OPHN1: variants seen among roughly 807,000 people sequenced by gnomAD.
OPHN1 encodes the protein oligophrenin 1, also known as oligophrenin-1.
OPHN1 carries 11 observed loss-of-function variants against 60.7 expected under a neutral mutation model. That is an observed-to-expected ratio of 0.18 (90% CI 0.11 to 0.30). The LOEUF is 0.30. Among genes scored for constraint, OPHN1 ranks in the 10% least tolerant of loss-of-function variants. The pLI is 1.00. For synonymous variants in OPHN1, 226 were observed against 222.6 expected (o/e 1.02, Z -0.14); for missense variants, 449 against 611.0 (o/e 0.73, Z 2.80).
At chrX:68,381,205 A>T (rs1035337496) in intron 2 of OPHN1, among the ~76,000 whole-genome samples, 2 of 111,934 alleles carry the variant, frequency 1.8e-5, no homozygotes, top group African/African-American at 6.5e-5. Context: ...TAAATGAAAA[A>T]TTTCAAAATC....
chrX:68,123,289 G>T (rs1227445294), intron 15 of OPHN1, among the ~76,000 whole-genome samples: 1 of 111,424 alleles, frequency 9.0e-6, no homozygotes, highest in Non-Finnish European at 1.9e-5. Flanking sequence ...AAAGCTGAGA[G>T]ATTTCATCAA....
At chrX:68,373,303 G>A (rs904099941) in intron 2 of OPHN1, among the ~76,000 whole-genome samples, 22 of 112,308 alleles carry the variant, frequency 2.0e-4, no homozygotes, top group Non-Finnish European at 3.2e-4. Flanking sequence ...AACCAAGTTC[G>A]ACACTTTTAA....
At chrX:68,113,469 CA>C (rs2077113495) in intron 16 of OPHN1, among the ~76,000 whole-genome samples, 1 of 111,426 alleles carries the variant, frequency 9.0e-6, no homozygotes, top group Admixed American at 9.5e-5. Flanking sequence ...AACTAGCTCC[CA>C]GAAGTAAAAA....
chrX:68,095,084 C>T (rs2077033306), intron 19 of OPHN1, among the ~76,000 whole-genome samples: 1 of 111,811 alleles, frequency 8.9e-6, no homozygotes, highest in Non-Finnish European at 1.9e-5. Context: ...ATGTTCATTA[C>T]AATCTAAAAT....
chrX:68,431,581 T>A, intron 2 of OPHN1, among the ~76,000 whole-genome samples: 1 of 47,616 alleles, frequency 2.1e-5, no homozygotes, highest in Non-Finnish European at 5.0e-5. Flanking sequence ...CATGCCCAGC[T>A]AATTTTTTTT....
At chrX:68,172,423 T>C (rs912311125) in intron 15 of OPHN1, among the ~76,000 whole-genome samples, 2 of 111,638 alleles carry the variant, frequency 1.8e-5, no homozygotes, top group African/African-American at 6.5e-5. Context: ...TTTGTGGAGA[T>C]AGAAAGATAG....
intron 3 of OPHN1, among the ~76,000 whole-genome samples, chrX:68,290,986 AT>A (rs2078068547): frequency 9.0e-6 from 1 of 111,627 alleles, no homozygotes; most frequent in Non-Finnish European, 1.9e-5. Flanking sequence ...AAGCATGTTT[AT>A]ATTATAATGC....
chrX:68,052,666 A>G (rs1160988128), intron 22 of OPHN1, 76 bp from the exon 23 acceptor site: 6 of 939,836 alleles, frequency 6.4e-6, no homozygotes, highest in Non-Finnish European at 9.1e-6. Flanking sequence ...CAGAAAGGAC[A>G]GGAGACTCTG....
intron 19 of OPHN1, among the ~76,000 whole-genome samples, chrX:68,096,206 A>T (rs2077037726): frequency 1.8e-5 from 2 of 111,376 alleles, no homozygotes; most frequent in South Asian, 7.6e-4. Context: ...GAACATCCCT[A>T]TCCTCGAAGA....
At chrX:68,255,017 GAA>G (rs748466618) in intron 5 of OPHN1, among the ~76,000 whole-genome samples, 26 of 32,932 alleles carry the variant, frequency 7.9e-4, no homozygotes, top group Middle Eastern at 0.018. Context: ...TCTGCCTCAA[GAA>G]AAAAAAAAAA....
chrX:68,117,661 G>C (rs2077132913), intron 16 of OPHN1, among the ~76,000 whole-genome samples: 1 of 111,876 alleles, frequency 8.9e-6, no homozygotes, highest in African/African-American at 3.2e-5. Context: ...ATTTTTAGAG[G>C]ACTTCTCTGG....
chrX:68,163,781 A>C (rs1198083246), intron 15 of OPHN1, among the ~76,000 whole-genome samples: 3 of 111,075 alleles, frequency 2.7e-5, no homozygotes, highest in Non-Finnish European at 5.7e-5. Flanking sequence ...CAGCCATTCA[A>C]ATAAGTGTGA....
chrX:68,371,262 G>C (rs776087136), intron 2 of OPHN1, among the ~76,000 whole-genome samples: 30 of 106,979 alleles, frequency 2.8e-4, no homozygotes, highest in Non-Finnish European at 5.0e-4. Flanking sequence ...CTGTCAGCCA[G>C]GCTGGAGTGC....
At position 68,197,176 on chromosome X, in the gene OPHN1, G is replaced by C; in HGVS notation, c.1104+10C>G. On this transcript the variant is annotated intron_variant, in intron 12 of 24. Transcript: ENST00000355520. ...TGCTGGGGAGGTTTCCCCAGTGTCA[G>C]GTAACTTACAGGTTCTTTCCCATCC... 1 of 1,197,170 alleles carries C rather than the reference G, an allele frequency of 8.4e-7. No individual in the cohort carries two copies. Among genetic ancestry groups the C allele is most frequent in the Non-Finnish European group, 1.1e-6 (1 of 882,542 alleles).
intron 15 of OPHN1, among the ~76,000 whole-genome samples, chrX:68,140,444 T>C (rs1448360846): frequency 9.0e-6 from 1 of 111,563 alleles, no homozygotes; most frequent in Non-Finnish European, 1.9e-5. Context: ...ACAGTACATA[T>C]CCAATAAAGA....
At chrX:68,237,566 G>A (rs1002829798) in intron 5 of OPHN1, among the ~76,000 whole-genome samples, 1 of 111,946 alleles carries the variant, frequency 8.9e-6, no homozygotes, top group Non-Finnish European at 1.9e-5. Flanking sequence ...TATAAGTCTT[G>A]CACATCTTTT....
chrX:68,113,999 G>A (rs2077116861), intron 16 of OPHN1, among the ~76,000 whole-genome samples: 2 of 107,698 alleles, frequency 1.9e-5, no homozygotes, highest in Admixed American at 2.0e-4. Context: ...AAAAACATTG[G>A]CTGAGCATTT....
At chrX:68,123,070 C>T (rs1050974620) in intron 15 of OPHN1, among the ~76,000 whole-genome samples, 11 of 110,582 alleles carry the variant, frequency 9.9e-5, no homozygotes, top group Non-Finnish European at 1.1e-4. Context: ...AAAAAGGATC[C>T]TAAAAGCAGC....
At chrX:68,380,778 C>T (rs1412937140) in intron 2 of OPHN1, among the ~76,000 whole-genome samples, 1 of 111,569 alleles carries the variant, frequency 9.0e-6, no homozygotes, top group African/African-American at 3.3e-5. Context: ...AGTTTGATTG[C>T]ACTGTGGTCT....
Sources: allele counts gnomAD v4.1 joint callset (sites outside exome capture counted in the v4.1 genomes callset), GRCh38; gene constraint gnomAD v4.1.1; transcripts MANE v1.5; gene names NCBI Gene and HGNC (gene_info 2026-07-23, HGNC 2026-07-21).